ERCC6: variants seen among roughly 807,000 people sequenced by gnomAD.
ERCC6 encodes DNA excision repair protein ERCC-6.
In ERCC6, 116 loss-of-function variants were observed where a neutral mutation model predicts 158.7. The ratio of observed to expected loss-of-function variants is 0.73; its 90% CI spans 0.63 to 0.85. ERCC6 has a LOEUF of 0.85. ERCC6 is among the 40% of genes least tolerant of loss of function. The pLI is 0.00. For missense variants in ERCC6, 1,698 were observed against 1,799.4 expected (o/e 0.94, Z 1.02); for synonymous variants, 678 against 659.3 (o/e 1.03, Z -0.43).
chr10:49,461,226 TA>T, intron 19 of ERCC6, 125 bp downstream of exon 19: 1 of 1,034,068 alleles, frequency 9.7e-7, no homozygotes, highest in Non-Finnish European at 1.5e-6. Flanking sequence ...TTTGCTGCTA[TA>T]ATCCCTCCCT....
At chr10:49,525,695 C>T (rs972617804) in intron 4 of ERCC6, among the ~76,000 whole-genome samples, 1 of 152,126 alleles carries the variant, frequency 6.6e-6, no homozygotes, top group African/African-American at 2.4e-5. Flanking sequence ...TCTGAAAGTG[C>T]ACAAATCATT....
chr10:49,472,015 T>C (rs1219463372), intron 16 of ERCC6, among the ~76,000 whole-genome samples: 1 of 152,242 alleles, frequency 6.6e-6, no homozygotes, highest in Non-Finnish European at 1.5e-5. Flanking sequence ...TAATGTGGTA[T>C]GTAAACACCA....
rs1373101507 is a variant in ERCC6, at chr10:49,517,192, G to A, written c.1397+6841C>T. On this transcript the variant is annotated intron_variant, in intron 5 of 20. Transcript: ENST00000355832. ...GCCTAGTGTTCCAAAAATGGAACATGAAAAATGTCAAACCCATAACTAATG... is the reference window on the plus strand; with the variant it reads ...GCCTAGTGTTCCAAAAATGGAACATAAAAAATGTCAAACCCATAACTAATG... 8 of 1,502,024 alleles carry A rather than the reference G, an allele frequency of 5.3e-6. No homozygotes were observed. The African/African-American group carries it at 9.8e-5, about 18-fold the overall frequency. The allele number at this position is 1,502,024 out of a possible 1,614,324, so 93.0% of individuals were successfully genotyped here.
intron 13 of ERCC6, 126 bp downstream of exon 13, chr10:49,473,901 G>A (rs1034992108): frequency 1.1e-6 from 1 of 905,082 alleles, no homozygotes. Context: ...GAAATCGGTA[G>A]ACTGCCACCT....
At chr10:49,520,770 G>T (rs1837135376) in intron 5 of ERCC6, among the ~76,000 whole-genome samples, 1 of 152,104 alleles carries the variant, frequency 6.6e-6, no homozygotes. Flanking sequence ...AAGCCCACCT[G>T]CCCTCCCTGT....
intron 8 of ERCC6, among the ~76,000 whole-genome samples, chr10:49,490,668 T>C (rs1421958852): frequency 1.3e-5 from 2 of 152,212 alleles, no homozygotes; most frequent in Non-Finnish European, 1.5e-5. Context: ...TCAAAATTTA[T>C]GTCATACCAG....
At chr10:49,459,368 C>A in intron 20 of ERCC6, 134 bp from the exon 21 acceptor site, 1 of 865,156 alleles carries the variant, frequency 1.2e-6, no homozygotes, top group East Asian at 2.5e-5. Context: ...GAGACTGAGA[C>A]TCCACCTAAT....
chr10:49,523,046 GAA>G (rs965891382), intron 5 of ERCC6, among the ~76,000 whole-genome samples: 5 of 152,094 alleles, frequency 3.3e-5, no homozygotes, highest in African/African-American at 7.2e-5. Context: ...TAAGTAACAA[GAA>G]AAAACACCAG....
intron 5 of ERCC6, among the ~76,000 whole-genome samples, chr10:49,520,397 T>C (rs1471211404): frequency 3.3e-5 from 5 of 152,054 alleles, no homozygotes; most frequent in African/African-American, 4.8e-5. Context: ...TACATGAAAA[T>C]AGAGTAAGAA....
chr10:49,522,976 T>C (rs571152289), intron 5 of ERCC6, among the ~76,000 whole-genome samples: 1 of 152,184 alleles, frequency 6.6e-6, no homozygotes, highest in Admixed American at 6.5e-5. Flanking sequence ...AATTGACACA[T>C]CTATTTCGGA....
At chr10:49,488,215 A>C (rs182891829) in intron 8 of ERCC6, 2 of 213,502 alleles carry the variant, frequency 9.4e-6, no homozygotes, top group Admixed American at 4.2e-5. Context: ...GTTATTATGG[A>C]GGCTCAAGAG....
At chr10:49,466,874 C>T (rs1850685148) in intron 18 of ERCC6, among the ~76,000 whole-genome samples, 1 of 150,546 alleles carries the variant, frequency 6.6e-6, no homozygotes, top group Non-Finnish European at 1.5e-5. Flanking sequence ...GCAACCTCCA[C>T]TTCCCAGGTT....
intron 2 of ERCC6, among the ~76,000 whole-genome samples, chr10:49,531,174 A>G (rs1837460687): frequency 6.6e-6 from 1 of 152,208 alleles, no homozygotes; most frequent in Admixed American, 6.5e-5. Flanking sequence ...GTCCTTTTAC[A>G]TGAAAAAATG....
the ERCC6 span, among the ~76,000 whole-genome samples, chr10:49,445,725 C>T: frequency 6.6e-6 from 1 of 152,126 alleles, no homozygotes; most frequent in Non-Finnish European, 1.5e-5. Flanking sequence ...AAGTCAAGTG[C>T]CAGGGGCTAC....
chr10:49,470,040 A>G (rs1156267004), intron 18 of ERCC6, 142 bp downstream of exon 18: 1 of 783,422 alleles, frequency 1.3e-6, no homozygotes, highest in African/African-American at 1.7e-5. Flanking sequence ...ATGTCAATAT[A>G]TTTCAAATCT....
chr10:49,515,570 A>G, intron 5 of ERCC6: 1 of 1,614,152 alleles, frequency 6.2e-7, no homozygotes, highest in South Asian at 1.1e-5. Flanking sequence ...CACGTCGACG[A>G]AACTCCAGAA....
At chr10:49,496,637 G>A (rs12412526) in intron 7 of ERCC6, among the ~76,000 whole-genome samples, 13,063 of 152,006 alleles carry the variant, frequency 0.086, 672 homozygotes, top group South Asian at 0.19. Flanking sequence ...GTGAAACCCC[G>A]TCTCTACCTA....
chr10:49,439,251 A>G, the ERCC6 span, among the ~76,000 whole-genome samples: 3 of 152,304 alleles, frequency 2.0e-5, no homozygotes, highest in Non-Finnish European at 2.9e-5. Flanking sequence ...AGGCATTTCC[A>G]TACATCTTCT....
intron 20 of ERCC6, 26 bp downstream of exon 20, chr10:49,460,347 G>A: frequency 6.5e-7 from 1 of 1,543,998 alleles, no homozygotes; most frequent in Non-Finnish European, 9.0e-7. Context: ...TCTCACCCTG[G>A]AAAGCAAAAA....
Sources: gnomAD v4.1 joint callset for allele counts (sites outside exome capture counted in the v4.1 genomes callset) on GRCh38, gnomAD v4.1.1 for gene constraint, MANE v1.5 for transcripts, NCBI Gene and HGNC (gene_info 2026-07-23, HGNC 2026-07-21) for gene names.